Variants in LHFPL3 observed in about 807,000 individuals in gnomAD.
LHFPL3 encodes LHFPL tetraspan subfamily member 3.
A neutral mutation model predicts 19.3 loss-of-function variants in LHFPL3; 5 were observed. That is an observed-to-expected ratio of 0.26 (90% CI 0.14 to 0.54). The LOEUF (loss-of-function observed/expected upper bound fraction) is 0.54, where lower values mean the gene tolerates loss of function less well. Ranked by LOEUF, LHFPL3 falls within the 20% of genes least tolerant of loss-of-function variation. The pLI is 0.94. For missense variants in LHFPL3, 249 were observed against 307.4 expected (o/e 0.81, Z 1.42); for synonymous variants, 133 against 126.2 (o/e 1.05, Z -0.36).
At chr7:104,533,097 G>T (rs191312229) in intron 1 of LHFPL3, among the ~76,000 whole-genome samples, 2 of 151,998 alleles carry the variant, frequency 1.3e-5, no homozygotes, top group South Asian at 4.1e-4. Flanking sequence ...ATCTTTTATT[G>T]ATTAGCATCA....
At chr7:104,611,929 G>A (rs892599323) in intron 1 of LHFPL3, among the ~76,000 whole-genome samples, 29 of 152,170 alleles carry the variant, frequency 1.9e-4, no homozygotes, top group African/African-American at 7.0e-4. Context: ...GGCTCTTTGG[G>A]TGTCTGTCAT....
At chr7:104,543,069 G>T (rs568918504) in intron 1 of LHFPL3, among the ~76,000 whole-genome samples, 1 of 152,034 alleles carries the variant, frequency 6.6e-6, no homozygotes, top group Non-Finnish European at 1.5e-5. Context: ...ACCAAACACC[G>T]CATGTTCTGA....
intron 1 of LHFPL3, among the ~76,000 whole-genome samples, chr7:104,420,345 A>G (rs1791703095): frequency 6.6e-6 from 1 of 152,200 alleles, no homozygotes; most frequent in Non-Finnish European, 1.5e-5. Flanking sequence ...TAGAACAGCT[A>G]TGACTGTCCA....
chr7:104,546,600 A>C (rs918249874), intron 1 of LHFPL3, among the ~76,000 whole-genome samples: 16 of 152,230 alleles, frequency 1.1e-4, no homozygotes, highest in Non-Finnish European at 2.2e-4. Flanking sequence ...ATTGTAGTAC[A>C]AATTGTTACT....
chr7:104,804,261 G>A (rs1168495285), intron 2 of LHFPL3, among the ~76,000 whole-genome samples: 6 of 152,262 alleles, frequency 3.9e-5, no homozygotes, highest in African/African-American at 7.2e-5. Context: ...GTCACTTTTC[G>A]ACATCTGGGG....
intron 2 of LHFPL3, among the ~76,000 whole-genome samples, chr7:104,767,126 TGAA>T (rs1196248993): frequency 6.6e-6 from 1 of 152,262 alleles, no homozygotes; most frequent in Non-Finnish European, 1.5e-5. Context: ...TAGGACTTCC[TGAA>T]GAGTGACATT....
At chr7:104,890,718 A>T (rs894551732) in intron 2 of LHFPL3, among the ~76,000 whole-genome samples, 1 of 152,218 alleles carries the variant, frequency 6.6e-6, no homozygotes, top group African/African-American at 2.4e-5. Context: ...TCTGTGGATG[A>T]CACGCCAGGC....
At chr7:104,391,952 G>A (rs536234529) in intron 1 of LHFPL3, among the ~76,000 whole-genome samples, 1 of 152,258 alleles carries the variant, frequency 6.6e-6, no homozygotes, top group Non-Finnish European at 1.5e-5. Context: ...AAGCAATTGT[G>A]AATGGGAGTT....
At chr7:104,360,081 CA>C (rs1790361680) in intron 1 of LHFPL3, among the ~76,000 whole-genome samples, 1 of 152,210 alleles carries the variant, frequency 6.6e-6, no homozygotes, top group Non-Finnish European at 1.5e-5. Context: ...ACCATGGTAA[CA>C]AGGATTTTCA....
At chr7:104,644,368 T>C (rs1192401415) in intron 1 of LHFPL3, among the ~76,000 whole-genome samples, 1 of 152,202 alleles carries the variant, frequency 6.6e-6, no homozygotes, top group Non-Finnish European at 1.5e-5. Flanking sequence ...CTAACTTTCC[T>C]TAACCCAACA....
chr7:104,614,248 T>C (rs1377465338), intron 1 of LHFPL3, among the ~76,000 whole-genome samples: 1 of 152,190 alleles, frequency 6.6e-6, no homozygotes, highest in African/African-American at 2.4e-5. Flanking sequence ...TATGCCATCA[T>C]GGTACTTTCA....
chr7:104,595,705 G>T (rs1790836700), intron 1 of LHFPL3, among the ~76,000 whole-genome samples: 1 of 152,252 alleles, frequency 6.6e-6, no homozygotes, highest in Non-Finnish European at 1.5e-5. Context: ...GTTGAGCTGT[G>T]GTGGGCTCCG....
intron 2 of LHFPL3, among the ~76,000 whole-genome samples, chr7:104,857,763 CT>C (rs1303853609): frequency 3.9e-5 from 6 of 152,142 alleles, no homozygotes; most frequent in Non-Finnish European, 7.3e-5. Context: ...TAATGTTAGT[CT>C]TTTTCCTCCT....
chr7:104,736,343 C>G (rs570137406), intron 1 of LHFPL3, among the ~76,000 whole-genome samples: 6 of 152,174 alleles, frequency 3.9e-5, no homozygotes, highest in South Asian at 2.1e-4. Context: ...GTAATGGAAC[C>G]CTTCCCACAA....
In LHFPL3 at chr7:104,800,085, T is replaced by C. The variant is rs118090598; in HGVS notation, c.682+63174T>C. ...GAAATGTGAGCTGAAATTTAAAATGTTACAAAGGTAGGTCATGGTAGGATT... is the reference window on the plus strand; with the variant it reads ...GAAATGTGAGCTGAAATTTAAAATGCTACAAAGGTAGGTCATGGTAGGATT... On this transcript the variant is annotated intron_variant, in intron 2 of 2. Transcript: ENST00000424859. 461 of 152,640 alleles carry C rather than the reference T, an allele frequency of 3.0e-3. 9 individuals are homozygous for C. Among genetic ancestry groups the C allele is most frequent in the East Asian group, 0.019 (98 of 5,182 alleles). The allele number at this position is 152,640 out of a possible 1,614,324, so 9.5% of individuals were successfully genotyped here.
In LHFPL3 at chr7:104,487,936, C is replaced by G. The variant is rs1032846579; in HGVS notation, c.445+158712C>G. Among the ~76,000 whole-genome samples, 7 of 152,268 alleles carry G rather than the reference C, an allele frequency of 4.6e-5. No individual in the cohort carries two copies. The East Asian group carries it at 7.7e-4, about 17-fold the overall frequency. On this transcript the variant is annotated intron_variant, in intron 1 of 2. Transcript: ENST00000424859. ...AGTTGGGATTCACAAACTTGGGGCT[C>G]TCTTTTTGTTGCCAAGAGAGGCTCC... is the stretch of plus-strand genomic sequence containing the variant.
intron 2 of LHFPL3, among the ~76,000 whole-genome samples, chr7:104,801,179 C>G (rs142860975): frequency 1.3e-4 from 20 of 152,276 alleles, no homozygotes; most frequent in African/African-American, 4.6e-4. Context: ...AGACTTTGAA[C>G]TGGAAGGATA....
intron 1 of LHFPL3, among the ~76,000 whole-genome samples, chr7:104,420,742 T>C (rs1051882363): frequency 7.9e-5 from 12 of 152,038 alleles, no homozygotes; most frequent in Non-Finnish European, 1.6e-4. Context: ...GTATTTTTTT[T>C]TAGTAGAGAC....
intron 1 of LHFPL3, among the ~76,000 whole-genome samples, chr7:104,362,920 G>A (rs1435447735): frequency 1.3e-5 from 2 of 152,186 alleles, no homozygotes; most frequent in African/African-American, 4.8e-5. Context: ...CCTGGGTGGT[G>A]CCCAGAGGCA....
Sources: allele counts gnomAD v4.1 joint callset (sites outside exome capture counted in the v4.1 genomes callset), GRCh38; gene constraint gnomAD v4.1.1; transcripts MANE v1.5; gene names NCBI Gene and HGNC (gene_info 2026-07-23, HGNC 2026-07-21).